ADAM23: variants seen among roughly 807,000 people sequenced by gnomAD.
ADAM23 encodes disintegrin and metalloproteinase domain-containing protein 23.
In ADAM23, 33 loss-of-function variants were observed where a neutral mutation model predicts 120.1. The ratio of observed to expected loss-of-function variants is 0.27; its 90% CI spans 0.21 to 0.37. The LOEUF is 0.37. Among genes scored for constraint, ADAM23 ranks in the 10% least tolerant of loss-of-function variants. The pLI, the probability that ADAM23 is intolerant of heterozygous loss-of-function variation, is 1.00. For synonymous variants in ADAM23, 367 were observed against 375.2 expected (o/e 0.98, Z 0.25); for missense variants, 862 against 1,058.2 (o/e 0.81, Z 2.57).
At chr2:206,593,357 G>A (rs1025874847) in intron 22 of ADAM23, among the ~76,000 whole-genome samples, 2 of 152,090 alleles carry the variant, frequency 1.3e-5, no homozygotes, top group East Asian at 3.8e-4. Context: ...TTACTCAATG[G>A]TATTGTTGTT....
rs939103122 is a variant in ADAM23, at chr2:206,588,672, G to A, written c.1852+518G>A. ...CTTAGTACATTCCGTAAAAGTTCAC[G>A]TGCATATCCTCTTCCTGACATTTAC... On this transcript the variant is annotated intron_variant, in intron 20 of 25. Transcript: ENST00000264377. Among the ~76,000 whole-genome samples the A allele has an allele frequency of 3.9e-5, 6 of 152,140 alleles. No individual in the cohort carries two copies. In the South Asian group the frequency reaches 8.3e-4, roughly 21 times the overall value.
intron 10 of ADAM23, among the ~76,000 whole-genome samples, chr2:206,558,249 T>A (rs996872402): frequency 4.6e-5 from 7 of 152,238 alleles, no homozygotes; most frequent in Non-Finnish European, 8.8e-5. Context: ...TATAGAATAT[T>A]ACTCCATATG....
Position 206,619,250 on chromosome 2 carries a change from C to A in ADAM23, c.*1623C>A, listed in dbSNP as rs1423418825. 6.6e-6 allele frequency: 1 copy of A among 152,234 alleles called. No individual in the cohort carries two copies. Among genetic ancestry groups the A allele is most frequent in the African/African-American group, 2.4e-5 (1 of 41,474 alleles). 9.4% of individuals were successfully genotyped at this position (152,234 alleles called of 1,614,324 possible). A position where few individuals can be genotyped will look rare whatever the true frequency, so the allele number is the denominator to read the frequency against. On this transcript the variant is annotated 3_prime_UTR_variant, in exon 26 of 26. Coordinates refer to ENST00000264377, the MANE Select transcript of ADAM23 (RefSeq NM_003812.4). ...TGGGATTCTACTATATACAAATCCA[C>A]ATTGTTCTTCTCCCTCCAGCCAGAT...
chr2:206,557,525 G>T, intron 10 of ADAM23, 27 bp downstream of exon 10: 1 of 1,573,106 alleles, frequency 6.4e-7, no homozygotes, highest in East Asian at 2.2e-5. Context: ...TCTTGAATTT[G>T]TGTGCCAAGA....
chr2:206,557,162 T>C (rs111722980), intron 9 of ADAM23, among the ~76,000 whole-genome samples: 1 of 152,142 alleles, frequency 6.6e-6, no homozygotes, highest in African/African-American at 2.4e-5. Context: ...ATCCCTGGCC[T>C]CAAGCAGTCC....
intron 18 of ADAM23, among the ~76,000 whole-genome samples, chr2:206,574,197 A>T (rs903586288): frequency 6.6e-6 from 1 of 152,166 alleles, no homozygotes; most frequent in Non-Finnish European, 1.5e-5. Context: ...ACGTTCAAAA[A>T]GTTTCAGATT....
intron 9 of ADAM23, among the ~76,000 whole-genome samples, chr2:206,551,458 T>C (rs1697523473): frequency 6.6e-6 from 1 of 152,214 alleles, no homozygotes; most frequent in African/African-American, 2.4e-5. Flanking sequence ...AAGTTGCACT[T>C]CTGAAAAGAC....
chr2:206,540,198 A>G (rs1027059474), intron 4 of ADAM23, among the ~76,000 whole-genome samples: 3 of 148,226 alleles, frequency 2.0e-5, no homozygotes, highest in African/African-American at 7.6e-5. Context: ...AAAAGAAAAG[A>G]AAAGCAGCCC....
At chr2:206,611,849 T>A (rs1008765550) in intron 25 of ADAM23, among the ~76,000 whole-genome samples, 8 of 152,080 alleles carry the variant, frequency 5.3e-5, no homozygotes, top group Admixed American at 2.0e-4. Context: ...GAGAGAGAGA[T>A]CTCGTTATCA....
At position 206,573,616 on chromosome 2, in the gene ADAM23, C is replaced by T. The variant is rs557351242; in HGVS notation, c.1737+421C>T. On this transcript the variant is annotated intron_variant, in intron 18 of 25. Coordinates refer to ENST00000264377, the MANE Select transcript of ADAM23 (RefSeq NM_003812.4). ...TCTTGTACTTATTCACACCTAATTA[C>T]TTAACAGTAAAAAAAAAAAAATTGG... Among the ~76,000 whole-genome samples the T allele has an allele frequency of 2.7e-5, 4 of 150,876 alleles. No individual in the cohort carries two copies. In the East Asian group the frequency reaches 5.8e-4, roughly 22 times the overall value.
At chr2:206,488,665 A>G (rs922897796) in intron 3 of ADAM23, among the ~76,000 whole-genome samples, 5 of 152,068 alleles carry the variant, frequency 3.3e-5, no homozygotes, top group African/African-American at 1.2e-4. Context: ...ACACTTTACT[A>G]CCTCCTCCTG....
At chr2:206,486,256 G>A (rs12994332) in intron 3 of ADAM23, among the ~76,000 whole-genome samples, 1 of 151,566 alleles carries the variant, frequency 6.6e-6, no homozygotes, top group East Asian at 1.9e-4. Flanking sequence ...TTAAAATTTT[G>A]TTTAGTGTTT....
intron 24 of ADAM23, among the ~76,000 whole-genome samples, chr2:206,597,068 G>C (rs1698541785): frequency 6.6e-6 from 1 of 151,362 alleles, no homozygotes. Flanking sequence ...GTGTCACTAT[G>C]TTGTCCAGGC....
At chr2:206,605,982 T>C (rs1396112741) in intron 24 of ADAM23, 1 of 586,870 alleles carries the variant, frequency 1.7e-6, no homozygotes, top group Non-Finnish European at 3.0e-6. Context: ...CCGTGTTTCC[T>C]GTGGTAGTGC....
chr2:206,497,202 AAG>A (rs1055626726), intron 3 of ADAM23, among the ~76,000 whole-genome samples: 7 of 152,186 alleles, frequency 4.6e-5, no homozygotes, highest in African/African-American at 1.7e-4. Flanking sequence ...ACAACGAAAA[AAG>A]AGAATTTTAG....
At chr2:206,476,710 A>G (rs1276729930) in intron 2 of ADAM23, among the ~76,000 whole-genome samples, 1 of 152,148 alleles carries the variant, frequency 6.6e-6, no homozygotes, top group African/African-American at 2.4e-5. Context: ...AGAGCATACT[A>G]AGGTGAAATA....
intron 3 of ADAM23, among the ~76,000 whole-genome samples, chr2:206,522,764 A>T (rs1395875311): frequency 2.6e-5 from 4 of 151,848 alleles, no homozygotes; most frequent in Non-Finnish European, 4.4e-5. Flanking sequence ...TGTGCAGAAG[A>T]TAGGCCTTTT....
At chr2:206,580,174 T>A (rs1698195482) in intron 18 of ADAM23, among the ~76,000 whole-genome samples, 1 of 152,178 alleles carries the variant, frequency 6.6e-6, no homozygotes, top group Admixed American at 6.5e-5. Flanking sequence ...AGTGACAGTC[T>A]GACTTCCTCT....
chr2:206,552,196 A>G (rs912663719), intron 9 of ADAM23, among the ~76,000 whole-genome samples: 3 of 152,156 alleles, frequency 2.0e-5, no homozygotes, highest in Non-Finnish European at 2.9e-5. Context: ...AATAATTAAG[A>G]TATATTCAAT....
Sources: gnomAD v4.1 joint callset for allele counts (sites outside exome capture counted in the v4.1 genomes callset) on GRCh38, gnomAD v4.1.1 for gene constraint, MANE v1.5 for transcripts, NCBI Gene and HGNC (gene_info 2026-07-23, HGNC 2026-07-21) for gene names.